The following PTPRK variants were observed in gnomAD, a reference collection of about 807,000 sequenced individuals.
PTPRK encodes protein tyrosine phosphatase receptor type K.
Under a neutral mutation model 178.0 loss-of-function variants are expected in PTPRK, and 75 were observed. The observed-to-expected ratio is 0.42, with a 90% confidence interval of 0.35 to 0.51. PTPRK has a LOEUF of 0.51. Ranked by LOEUF, PTPRK falls within the 20% of genes least tolerant of loss-of-function variation. The probability of loss-of-function intolerance (pLI) is 0.02; values close to 1 mark genes in which losing one functional copy is unlikely to be tolerated. For synonymous variants in PTPRK, 637 were observed against 620.6 expected (o/e 1.03, Z -0.39); for missense variants, 1,441 against 1,797.8 (o/e 0.80, Z 3.59).
intron 13 of PTPRK, among the ~76,000 whole-genome samples, chr6:128,025,318 A>G (rs966979171): frequency 6.6e-6 from 1 of 152,222 alleles, no homozygotes; most frequent in African/African-American, 2.4e-5. Context: ...TTATATGAAG[A>G]TTATTTCAGC....
intron 1 of PTPRK, among the ~76,000 whole-genome samples, chr6:128,434,962 TGCAGGCAGGCAG>T (rs373811894): frequency 0.027 from 4,115 of 149,988 alleles, 175 homozygotes; most frequent in African/African-American, 0.096. Context: ...AGGTCAAGGT[TGCAGGCAGGCAG>T]GCAGGCAGGC....
intron 7 of PTPRK, among the ~76,000 whole-genome samples, chr6:128,158,309 A>G (rs527315998): frequency 6.6e-6 from 1 of 152,062 alleles, no homozygotes; most frequent in Admixed American, 6.6e-5. Flanking sequence ...TACCTAATGT[A>G]AATGATGAGT....
Position 128,520,403 on chromosome 6 carries a change from G to T in PTPRK, c.-45C>A, listed in dbSNP as rs143665863. 125 of 1,537,874 alleles carry T rather than the reference G, an allele frequency of 8.1e-5. No individual in the cohort carries two copies. The highest frequency in any genetic ancestry group is 1.0e-4 in the Non-Finnish European group (116 of 1,131,162). The stretch of plus-strand genomic sequence containing the variant: ...TCAAGCAGCTTTGCAAAGAGCTGCC[G>T]GGGGGATCGCCGCGAAATCCACGAC... On this transcript the variant is annotated 5_prime_UTR_variant, in exon 1 of 30. Transcript: ENST00000368226.
At chr6:128,259,943 G>A (rs182055140) in intron 3 of PTPRK, among the ~76,000 whole-genome samples, 12 of 152,178 alleles carry the variant, frequency 7.9e-5, no homozygotes, top group African/African-American at 2.2e-4. Context: ...CAACATGGAC[G>A]TAATTTCATA....
Position 128,064,836 on chromosome 6 carries a change from A to G in PTPRK, c.2158-42T>C, listed in dbSNP as rs371074789. ...GAAAAAAAAAAGAGTCAATGTACAG[A>G]TAATGTTTCCTGTTTCATAAACTAT... On this transcript the variant is annotated intron_variant, in intron 12 of 29. Coordinates refer to ENST00000368226, the MANE Select transcript of PTPRK (RefSeq NM_002844.4). The G allele has an allele frequency of 1.4e-4, 215 of 1,537,864 alleles. 1 individual carries two copies. Among genetic ancestry groups the G allele is most frequent in the Non-Finnish European group, 1.8e-4 (207 of 1,153,738 alleles).
chr6:128,387,878 A>G (rs186106777), intron 2 of PTPRK, among the ~76,000 whole-genome samples: 1 of 152,126 alleles, frequency 6.6e-6, no homozygotes, highest in Admixed American at 6.5e-5. Flanking sequence ...AGGGGCATCC[A>G]ATCTTTTGGC....
intron 3 of PTPRK, among the ~76,000 whole-genome samples, chr6:128,274,957 A>C (rs896606977): frequency 2.0e-5 from 3 of 152,044 alleles, no homozygotes; most frequent in African/African-American, 7.2e-5. Flanking sequence ...ACCTTATAAT[A>C]ATATAATTCA....
chr6:128,428,647 G>C (rs974342638), intron 1 of PTPRK, among the ~76,000 whole-genome samples: 1 of 152,174 alleles, frequency 6.6e-6, no homozygotes, highest in Non-Finnish European at 1.5e-5. Flanking sequence ...ACATCAACAA[G>C]TTAACTAACC....
rs576116401 is a variant in PTPRK, at chr6:128,048,417, G to T, written c.2194+16341C>A. Among the ~76,000 whole-genome samples the T allele has an allele frequency of 5.0e-4, 76 of 152,226 alleles. 1 individual carries two copies. The highest frequency in any genetic ancestry group is 1.7e-3 in the African/African-American group (71 of 41,540). On this transcript the variant is annotated intron_variant, in intron 13 of 29. Transcript: ENST00000368226. ...CAGATAAGGAAAAATTCTCCTCAAGGTTCCGCATATGTTCCCTCTGCCTCT... is the reference window on the plus strand; with the variant it reads ...CAGATAAGGAAAAATTCTCCTCAAGTTTCCGCATATGTTCCCTCTGCCTCT...
chr6:128,306,624 T>A (rs772116700), intron 3 of PTPRK, among the ~76,000 whole-genome samples: 6 of 151,658 alleles, frequency 4.0e-5, no homozygotes, highest in Admixed American at 6.6e-5. Context: ...GCAGACAGCA[T>A]CTCTGAAAAA....
chr6:128,342,320 T>G lies in PTPRK; in HGVS notation c.224-20010A>C, dbSNP rs535753069. Among the ~76,000 whole-genome samples, 14 of 152,096 alleles carry G rather than the reference T, an allele frequency of 9.2e-5. No individual in the cohort carries two copies. In the South Asian group the frequency reaches 1.0e-3, roughly 11 times the overall value. Reference sequence around the variant, plus strand: ...GGTTTCAGCACACACACAAAAAAATTTTTAAGTTATAGAAATTAAATAATA... The same window carrying G: ...GGTTTCAGCACACACACAAAAAAATGTTTAAGTTATAGAAATTAAATAATA... On this transcript the variant is annotated intron_variant, in intron 2 of 29. Coordinates refer to ENST00000368226, the MANE Select transcript of PTPRK (RefSeq NM_002844.4).
intron 1 of PTPRK, among the ~76,000 whole-genome samples, chr6:128,465,862 A>C (rs1020063288): frequency 6.6e-6 from 1 of 152,184 alleles, no homozygotes; most frequent in Non-Finnish European, 1.5e-5. Context: ...CACCCCAGGA[A>C]GGCAAGAGGC....
chr6:128,103,348 A>G (rs1386032335), intron 7 of PTPRK, among the ~76,000 whole-genome samples: 1 of 152,068 alleles, frequency 6.6e-6, no homozygotes, highest in Non-Finnish European at 1.5e-5. Flanking sequence ...CTTCCTGGAC[A>G]CCAGACAAAG....
At chr6:128,503,182 C>T (rs567286238) in intron 1 of PTPRK, among the ~76,000 whole-genome samples, 77 of 152,258 alleles carry the variant, frequency 5.1e-4, no homozygotes, top group African/African-American at 1.6e-3. Context: ...GCCGAGATCG[C>T]GCCACTGCAC....
At chr6:127,985,632 C>G in intron 22 of PTPRK, 89 bp downstream of exon 22, 1 of 1,366,542 alleles carries the variant, frequency 7.3e-7, no homozygotes, top group Non-Finnish European at 9.9e-7. Context: ...TTCGTAAGCA[C>G]ACATTAGTTT....
intron 11 of PTPRK, among the ~76,000 whole-genome samples, chr6:128,074,926 T>C (rs965045896): frequency 1.2e-4 from 18 of 152,048 alleles, no homozygotes; most frequent in Non-Finnish European, 2.4e-4. Flanking sequence ...ATAACTCCTC[T>C]TTTCATAGAG....
chr6:127,989,416 G>A (rs562515629), intron 21 of PTPRK, among the ~76,000 whole-genome samples: 2 of 151,970 alleles, frequency 1.3e-5, no homozygotes, highest in Admixed American at 6.6e-5. Context: ...ATTTTTTCAT[G>A]TTGGTAGGAT....
chr6:128,468,285 A>G (rs1302928253), intron 1 of PTPRK, among the ~76,000 whole-genome samples: 1 of 152,198 alleles, frequency 6.6e-6, no homozygotes, highest in Non-Finnish European at 1.5e-5. Context: ...GCTGACATGC[A>G]TATGTTACTA....
intron 2 of PTPRK, among the ~76,000 whole-genome samples, chr6:128,340,011 C>T (rs991383594): frequency 6.6e-6 from 1 of 152,086 alleles, no homozygotes; most frequent in African/African-American, 2.4e-5. Context: ...CCACCCCCAT[C>T]CAAAATAAAA....
Sources: allele counts gnomAD v4.1 joint callset (sites outside exome capture counted in the v4.1 genomes callset), GRCh38; gene constraint gnomAD v4.1.1; transcripts MANE v1.5; gene names NCBI Gene and HGNC (gene_info 2026-07-23, HGNC 2026-07-21).